RGS7: variants seen among roughly 807,000 people sequenced by gnomAD.
RGS7 encodes the protein regulator of G-protein signaling 7.
RGS7 carries 27 observed loss-of-function variants against 81.1 expected under a neutral mutation model. The observed-to-expected ratio is 0.33, with a 90% CI of 0.25 to 0.46. The LOEUF (loss-of-function observed/expected upper bound fraction) is 0.46, where lower values mean the gene tolerates loss of function less well. Among genes scored for constraint, RGS7 ranks in the 20% least tolerant of loss-of-function variants. The pLI, the probability that RGS7 is intolerant of heterozygous loss-of-function variation, is 1.00. For synonymous variants in RGS7, 208 were observed against 207.7 expected (o/e 1.00, Z -0.01); for missense variants, 396 against 607.4 (o/e 0.65, Z 3.66).
intron 3 of RGS7, among the ~76,000 whole-genome samples, chr1:240,989,254 A>G (rs1686109698): frequency 6.6e-6 from 1 of 151,450 alleles, no homozygotes; most frequent in African/African-American, 2.4e-5. Flanking sequence ...CCTGGCCAAC[A>G]TGGTGACACC....
chr1:241,291,570 C>CTTTTTTTTTTTTTTTTTTTTTTTT (rs397947911), intron 2 of RGS7, among the ~76,000 whole-genome samples: 3 of 94,164 alleles, frequency 3.2e-5, no homozygotes, highest in African/African-American at 8.2e-5. Flanking sequence ...GAATTCCCAG[C>CTTTTTTTTTTTTTTTTTTTTTTTT]TTTTTTTTTT....
intron 2 of RGS7, among the ~76,000 whole-genome samples, chr1:241,265,022 G>A (rs973407737): frequency 1.3e-5 from 2 of 152,124 alleles, no homozygotes; most frequent in African/African-American, 4.8e-5. Context: ...TCTGAGTGGC[G>A]GCCTTCAGTT....
At chr1:240,933,126 C>G (rs12129317) in intron 5 of RGS7, among the ~76,000 whole-genome samples, 32,011 of 150,686 alleles carry the variant, frequency 0.21, 4,228 homozygotes, top group East Asian at 0.59. Context: ...TCGTGATCTG[C>G]CCCCCTCGGC....
At chr1:241,032,479 T>G (rs565214382) in intron 3 of RGS7, among the ~76,000 whole-genome samples, 33 of 152,348 alleles carry the variant, frequency 2.2e-4, no homozygotes, top group Non-Finnish European at 3.4e-4. Context: ...TGGTTCCATA[T>G]GAATTTTAGA....
intron 6 of RGS7, among the ~76,000 whole-genome samples, chr1:240,924,127 T>C (rs1674030637): frequency 6.6e-6 from 1 of 152,228 alleles, no homozygotes; most frequent in Non-Finnish European, 1.5e-5. Flanking sequence ...ACTTAAAATC[T>C]GTCCCTGAAG....
chr1:240,842,656 G>C (rs1260968529), intron 9 of RGS7, among the ~76,000 whole-genome samples: 3 of 152,066 alleles, frequency 2.0e-5, no homozygotes, highest in Non-Finnish European at 4.4e-5. Context: ...TAGGGTAAGT[G>C]TGGAGGCAAG....
chr1:241,079,437 A>G (rs1045264038), intron 3 of RGS7, among the ~76,000 whole-genome samples: 3 of 152,206 alleles, frequency 2.0e-5, no homozygotes, highest in Admixed American at 1.3e-4. Flanking sequence ...AATGTCAGGT[A>G]AGAAAAATTC....
At chr1:241,108,775 C>T (rs1050155584) in intron 2 of RGS7, among the ~76,000 whole-genome samples, 11 of 152,128 alleles carry the variant, frequency 7.2e-5, no homozygotes, top group African/African-American at 2.4e-4. Flanking sequence ...TAATCAATTG[C>T]TTCATCTTCG....
intron 3 of RGS7, among the ~76,000 whole-genome samples, chr1:241,025,200 T>C (rs1047890250): frequency 3.3e-5 from 5 of 152,140 alleles, no homozygotes; most frequent in African/African-American, 1.2e-4. Context: ...TCAAGGAAAG[T>C]ACAAAATACA....
rs1195907438 is a variant in RGS7, at chr1:241,239,053, C to T, written c.78+116646G>A. On this transcript the variant is annotated intron_variant, in intron 2 of 18. Coordinates refer to ENST00000440928, the MANE Select transcript of RGS7 (RefSeq NM_001364886.1). ...GTGCGATCTCGGCTCACTGCAACCT[C>T]CGCCTCCCGGGTTCAAGCTATTCTC... 4.0e-5 allele frequency among the ~76,000 whole-genome samples: 6 copies of T among 151,080 alleles called. No individual in the cohort carries two copies. In the East Asian group the frequency reaches 9.8e-4, roughly 25 times the overall value.
At chr1:241,194,128 C>T (rs377749636) in intron 2 of RGS7, among the ~76,000 whole-genome samples, 7 of 152,172 alleles carry the variant, frequency 4.6e-5, no homozygotes, top group African/African-American at 1.4e-4. Flanking sequence ...TTCACCTACA[C>T]CAAACCTAAA....
At chr1:241,005,978 T>A (rs1264217177) in intron 3 of RGS7, among the ~76,000 whole-genome samples, 1 of 152,258 alleles carries the variant, frequency 6.6e-6, no homozygotes, top group Non-Finnish European at 1.5e-5. Flanking sequence ...TTCCAGTTTA[T>A]GGCTCTTATA....
chr1:240,810,445 CTTTT>C (rs5782164), intron 14 of RGS7, among the ~76,000 whole-genome samples: 177 of 124,576 alleles, frequency 1.4e-3, no homozygotes, highest in East Asian at 8.0e-3. Context: ...TTAATGCATT[CTTTT>C]TTTTTTTTTT....
chr1:241,003,174 T>C (rs1193236917), intron 3 of RGS7, among the ~76,000 whole-genome samples: 1 of 152,166 alleles, frequency 6.6e-6, no homozygotes, highest in African/African-American at 2.4e-5. Flanking sequence ...AAAAAAGTGC[T>C]GTGCCAGCCG....
At chr1:241,304,396 T>G (rs1049212345) in intron 2 of RGS7, among the ~76,000 whole-genome samples, 1 of 152,068 alleles carries the variant, frequency 6.6e-6, no homozygotes, top group African/African-American at 2.4e-5. Context: ...GAGAAGCAAG[T>G]AGGGAAGTCC....
chr1:241,128,633 A>G (rs1301386183), intron 2 of RGS7, among the ~76,000 whole-genome samples: 1 of 152,090 alleles, frequency 6.6e-6, no homozygotes, highest in African/African-American at 2.4e-5. Flanking sequence ...TTATAATGTC[A>G]AAAATATAAA....
At chr1:241,244,650 C>T (rs1478244882) in intron 2 of RGS7, among the ~76,000 whole-genome samples, 11 of 151,972 alleles carry the variant, frequency 7.2e-5, no homozygotes, top group East Asian at 5.8e-4. Flanking sequence ...TAAAGACACA[C>T]GCACACATAT....
intron 2 of RGS7, among the ~76,000 whole-genome samples, chr1:241,183,219 C>T (rs2071791871): frequency 6.6e-6 from 1 of 152,212 alleles, no homozygotes; most frequent in African/African-American, 2.4e-5. Flanking sequence ...GTAAGATACC[C>T]TATTACACTA....
chr1:241,040,801 A>AAAAC (rs1291984040), intron 3 of RGS7, among the ~76,000 whole-genome samples: 9 of 152,040 alleles, frequency 5.9e-5, no homozygotes, highest in African/African-American at 1.7e-4. Context: ...TCTTTACTTA[A>AAAAC]AAACAAACAA....
Sources: gnomAD v4.1 joint callset for allele counts (sites outside exome capture counted in the v4.1 genomes callset) on GRCh38, gnomAD v4.1.1 for gene constraint, MANE v1.5 for transcripts, NCBI Gene and HGNC (gene_info 2026-07-23, HGNC 2026-07-21) for gene names.